Variants in BMPR1A observed in about 807,000 individuals in gnomAD.
BMPR1A encodes the protein bone morphogenetic protein receptor type 1A.
BMPR1A carries 7 observed loss-of-function variants against 66.0 expected under a neutral mutation model. The ratio of observed to expected loss-of-function variants is 0.11; its 90% confidence interval spans 0.06 to 0.20. The LOEUF is 0.20. Among genes scored for constraint, BMPR1A ranks in the 10% least tolerant of loss-of-function variants. The probability of loss-of-function intolerance (pLI) is 1.00; values close to 1 mark genes in which losing one functional copy is unlikely to be tolerated. For missense variants in BMPR1A, 408 were observed against 669.1 expected, an observed-to-expected ratio of 0.61 and a Z score of 4.31; for synonymous variants, 200 against 229.7, an observed-to-expected ratio of 0.87 and a Z score of 1.17.
intron 8 of BMPR1A, among the ~76,000 whole-genome samples, chr10:86,913,466 T>A (rs1411065038): frequency 6.6e-6 from 1 of 152,006 alleles, no homozygotes; most frequent in Non-Finnish European, 1.5e-5. Context: ...TAAATAACTC[T>A]AATTGAATTG....
intron 2 of BMPR1A, among the ~76,000 whole-genome samples, chr10:86,839,391 GA>G (rs976809935): frequency 6.6e-6 from 1 of 152,078 alleles, no homozygotes; most frequent in African/African-American, 2.4e-5. Flanking sequence ...CCAGGAGTTC[GA>G]GACCAGCCTG....
intron 1 of BMPR1A, among the ~76,000 whole-genome samples, chr10:86,772,062 T>G (rs1001892491): frequency 7.9e-5 from 11 of 138,624 alleles, no homozygotes; most frequent in African/African-American, 3.7e-4. Flanking sequence ...CTTTAAAAAT[T>G]AGTGCTTTTT....
chr10:86,852,520 AAC>A (rs1434290040), intron 2 of BMPR1A, among the ~76,000 whole-genome samples: 1 of 152,176 alleles, frequency 6.6e-6, no homozygotes, highest in African/African-American at 2.4e-5. Context: ...GAGCCATGAT[AAC>A]ACCATTACAC....
At chr10:86,928,870 G>A (rs1348751267), downstream of BMPR1A, 1 of 151,910 alleles carries the variant, frequency 6.6e-6, no homozygotes, top group Non-Finnish European at 1.5e-5. Flanking sequence ...GCCCAGGCTG[G>A]TCTCGAACTC....
At chr10:86,867,034 C>G (rs1842795649) in intron 2 of BMPR1A, among the ~76,000 whole-genome samples, 1 of 152,196 alleles carries the variant, frequency 6.6e-6, no homozygotes, top group Admixed American at 6.5e-5. Flanking sequence ...CACCACATAT[C>G]TGAGTTTCTC....
chr10:86,799,469 T>TCTTCCTTCCTTTCTTCCTTCCTTCCTTC (rs1841775733), intron 1 of BMPR1A, among the ~76,000 whole-genome samples: 1 of 120,900 alleles, frequency 8.3e-6, no homozygotes, highest in African/African-American at 2.9e-5. Flanking sequence ...TTCCTTCCTT[T>TCTTCCTTCCTTTCTTCCTTCCTTCCTTC]CTTCCTTCCT....
chr10:86,824,916 G>A (rs556131710), intron 1 of BMPR1A, among the ~76,000 whole-genome samples: 1 of 152,150 alleles, frequency 6.6e-6, no homozygotes, highest in African/African-American at 2.4e-5. Context: ...CTTACTACCT[G>A]CTTAGCAATC....
chr10:86,855,326 G>T, intron 2 of BMPR1A: 1 of 935,116 alleles, frequency 1.1e-6, no homozygotes, highest in South Asian at 2.9e-5. Context: ...AAAACTTTAA[G>T]TAAGTTTCTA....
At chr10:86,906,306 C>T (rs183842996) in intron 7 of BMPR1A, among the ~76,000 whole-genome samples, 131 of 152,008 alleles carry the variant, frequency 8.6e-4, no homozygotes, top group African/African-American at 3.0e-3. Flanking sequence ...CATTTAGAAG[C>T]GTGTGTGTGT....
At chr10:86,832,283 T>A (rs1301288228) in intron 1 of BMPR1A, among the ~76,000 whole-genome samples, 2 of 152,124 alleles carry the variant, frequency 1.3e-5, no homozygotes. Flanking sequence ...CTGGCCAAGA[T>A]GGTGAAACCC....
chr10:86,785,137 C>G (rs765237399), intron 1 of BMPR1A, among the ~76,000 whole-genome samples: 8 of 152,050 alleles, frequency 5.3e-5, no homozygotes, highest in Non-Finnish European at 1.0e-4. Flanking sequence ...TTTAGTTTTC[C>G]TACTGCTTTT....
chr10:86,816,421 C>G (rs1842035837), intron 1 of BMPR1A, among the ~76,000 whole-genome samples: 6 of 152,112 alleles, frequency 3.9e-5, no homozygotes, highest in African/African-American at 1.4e-4. Flanking sequence ...TGACCCCTAC[C>G]TTAGTAATTC....
At chr10:86,831,657 T>C (rs533990408) in intron 1 of BMPR1A, among the ~76,000 whole-genome samples, 2 of 152,190 alleles carry the variant, frequency 1.3e-5, no homozygotes, top group Non-Finnish European at 2.9e-5. Flanking sequence ...CCAGCTACTT[T>C]GGAGGCTGAG....
At chr10:86,888,016 G>A (rs929454623) in intron 3 of BMPR1A, among the ~76,000 whole-genome samples, 2 of 152,124 alleles carry the variant, frequency 1.3e-5, no homozygotes, top group African/African-American at 2.4e-5. Context: ...CTAACATAAA[G>A]GAGGTCTTTC....
chr10:86,915,409 G>A (rs1843552367), intron 8 of BMPR1A, among the ~76,000 whole-genome samples: 1 of 152,122 alleles, frequency 6.6e-6, no homozygotes, highest in Non-Finnish European at 1.5e-5. Context: ...ATATAGATTT[G>A]TCCAAGGCTT....
At chr10:86,843,458 G>A (rs1399840596) in intron 2 of BMPR1A, 3 of 152,172 alleles carry the variant, frequency 2.0e-5, no homozygotes, top group African/African-American at 4.8e-5. Context: ...TCACAAAGGA[G>A]GAATCAGAAA....
chr10:86,822,045 C>T (rs1842127541), intron 1 of BMPR1A, among the ~76,000 whole-genome samples: 1 of 152,128 alleles, frequency 6.6e-6, no homozygotes, highest in Non-Finnish European at 1.5e-5. Context: ...CCAGGCTGGT[C>T]TCGAACTCGT....
chr10:86,789,715 GA>G (rs71477603), intron 1 of BMPR1A, among the ~76,000 whole-genome samples: 38 of 132,748 alleles, frequency 2.9e-4, no homozygotes, highest in East Asian at 1.4e-3. Context: ...CTCTGTCTTA[GA>G]AAAAAAAAAC....
chr10:86,894,844 C>T (rs537373367), intron 5 of BMPR1A, among the ~76,000 whole-genome samples: 25 of 152,334 alleles, frequency 1.6e-4, no homozygotes, highest in Admixed American at 7.2e-4. Flanking sequence ...TCCCTGGGTA[C>T]ACTCAGACTG....
Sources: gnomAD v4.1 joint callset for allele counts (sites outside exome capture counted in the v4.1 genomes callset) on GRCh38, gnomAD v4.1.1 for gene constraint, MANE v1.5 for transcripts, NCBI Gene and HGNC (gene_info 2026-07-23, HGNC 2026-07-21) for gene names.